The following PCDHGA1 variants were observed in gnomAD, a reference collection of about 807,000 sequenced individuals.
PCDHGA1 encodes protocadherin gamma-A1.
Under a neutral mutation model 58.0 loss-of-function variants are expected in PCDHGA1, and 32 were observed. The observed-to-expected ratio is 0.55, with a 90% CI of 0.42 to 0.74. The LOEUF is 0.74. Ranked by LOEUF, PCDHGA1 falls within the 30% of genes least tolerant of loss-of-function variation. The pLI is 0.00. For missense variants in PCDHGA1, 1,205 were observed against 1,182.3 expected, an observed-to-expected ratio of 1.02 and a Z score of -0.28; for synonymous variants, 498 against 501.1, an observed-to-expected ratio of 0.99 and a Z score of 0.08.
At position 141,370,127 on chromosome 5, in the gene PCDHGA1, G is replaced by A. The variant is rs1588666057; in HGVS notation, c.2421+37022G>A. ...TTTCTCCTAACTAGCTCCTTATTTGGAGCTGATTTAGTCACCATTACTGCA... is the reference window on the plus strand; with the variant it reads ...TTTCTCCTAACTAGCTCCTTATTTGAAGCTGATTTAGTCACCATTACTGCA... On this transcript the variant is annotated intron_variant, in intron 1 of 3. Transcript: ENST00000517417. 5 of 394,722 alleles carry A rather than the reference G, an allele frequency of 1.3e-5. No individual in the cohort carries two copies. The East Asian group carries it at 1.9e-4, about 15-fold the overall frequency. 24.5% of individuals were successfully genotyped at this position (394,722 alleles called of 1,614,324 possible). A position where few individuals can be genotyped will look rare whatever the true frequency, so the allele number is the denominator to read the frequency against.
chr5:141,461,037 G>T (rs1254497108), intron 1 of PCDHGA1, among the ~76,000 whole-genome samples: 1 of 150,988 alleles, frequency 6.6e-6, no homozygotes, highest in Non-Finnish European at 1.5e-5. Flanking sequence ...CCACTCATTA[G>T]TCGATGGGGA....
rs1299573831 is a variant in PCDHGA1 at position 141,500,662 on chromosome 5, T to A, written c.2481-4731T>A. 5.3e-5 allele frequency among the ~76,000 whole-genome samples: 8 copies of A among 152,352 alleles called. No homozygotes were observed. The East Asian group carries it at 1.5e-3, about 29-fold the overall frequency. ...TTTTTAAAAATAGCAACTGAGGCCA[T>A]ACTGTCCAACAGAATTATAGCTTTT... On this transcript the variant is annotated intron_variant, in intron 2 of 3. Coordinates refer to ENST00000517417, the MANE Select transcript of PCDHGA1 (RefSeq NM_018912.3).
intron 1 of PCDHGA1, chr5:141,352,204 G>C: frequency 6.2e-7 from 1 of 1,614,036 alleles, no homozygotes; most frequent in Non-Finnish European, 8.5e-7. Flanking sequence ...GAGGACAGCC[G>C]CCACTCTCCG....
At chr5:141,404,694 C>A in intron 1 of PCDHGA1, 5 of 1,614,116 alleles carry the variant, frequency 3.1e-6, no homozygotes, top group Non-Finnish European at 4.2e-6. Context: ...GCACCCCGCT[C>A]TGCAGAGCCT....
At chr5:141,356,327 C>A in intron 1 of PCDHGA1, 1 of 1,554,310 alleles carries the variant, frequency 6.4e-7, no homozygotes, top group Non-Finnish European at 8.7e-7. Context: ...GACAGTGACT[C>A]AGGAGGAAAT....
chr5:141,476,233 G>A lies in PCDHGA1; in HGVS notation c.2422-18574G>A, dbSNP rs1162067190. ...CGGTCATTCACTATGAGATCCCGGA[G>A]GAAAGAGAGAAGGGTTTCGCTGTGG... On this transcript the variant is annotated intron_variant, in intron 1 of 3. Coordinates refer to ENST00000517417, the MANE Select transcript of PCDHGA1 (RefSeq NM_018912.3). The surrounding 1 kb of genome is among the most constrained non-coding windows in gnomAD (Gnocchi z 7.6). The A allele has an allele frequency of 3.1e-6, 5 of 1,613,996 alleles. No homozygotes were observed. Among genetic ancestry groups the A allele is most frequent in the African/African-American group, 2.7e-5 (2 of 74,894 alleles).
intron 1 of PCDHGA1, chr5:141,418,683 CAG>C: frequency 6.2e-7 from 1 of 1,614,048 alleles, no homozygotes; most frequent in African/African-American, 1.3e-5. Flanking sequence ...GGCATCAACT[CAG>C]AGATCACTTA....
At chr5:141,387,510 C>A (rs972550298) in intron 1 of PCDHGA1, among the ~76,000 whole-genome samples, 1 of 152,206 alleles carries the variant, frequency 6.6e-6, no homozygotes, top group Non-Finnish European at 1.5e-5. Context: ...TTTTAGACGT[C>A]ATTAAATATA....
chr5:141,421,829 T>C, intron 1 of PCDHGA1: 1 of 1,613,784 alleles, frequency 6.2e-7, no homozygotes, highest in Non-Finnish European at 8.5e-7. Flanking sequence ...GAGGGAAGCC[T>C]GGACCGAGAG....
chr5:141,369,924 C>T (rs1175657292), intron 1 of PCDHGA1, among the ~76,000 whole-genome samples: 1 of 152,092 alleles, frequency 6.6e-6, no homozygotes, highest in East Asian at 1.9e-4. Context: ...AAACTAAAAA[C>T]GTGACGGGAT....
intron 3 of PCDHGA1, among the ~76,000 whole-genome samples, chr5:141,509,450 C>A (rs2099876883): frequency 6.6e-6 from 1 of 152,128 alleles, no homozygotes; most frequent in Non-Finnish European, 1.5e-5. Context: ...CCTCTCCCAC[C>A]CCCGACCCAG....
At chr5:141,393,114 C>A (rs750579370) in intron 1 of PCDHGA1, 3 of 1,613,300 alleles carry the variant, frequency 1.9e-6, no homozygotes, top group South Asian at 2.2e-5. Context: ...TCAGAGCCCG[C>A]GGTGTCTGAT....
rs112731052 is a variant in PCDHGA1 at position 141,457,109 on chromosome 5, A to G, written c.2422-37698A>G. ...TATAAGGATACTAATTAAGCAAAAT[A>G]CGACAGCAATGGAAACTCTGTCCAA... is the stretch of plus-strand genomic sequence containing the variant. On this transcript the variant is annotated intron_variant, in intron 1 of 3. Coordinates refer to ENST00000517417, the MANE Select transcript of PCDHGA1 (RefSeq NM_018912.3). 8.3e-3 allele frequency among the ~76,000 whole-genome samples: 1,258 copies of G among 152,360 alleles called. 17 individuals are homozygous for G. Among genetic ancestry groups the G allele is most frequent in the African/African-American group, 0.029 (1,195 of 41,578 alleles).
In PCDHGA1 at chr5:141,330,598, C is replaced by T; in HGVS notation, c.-87C>T. The T allele has an allele frequency of 7.2e-7, 1 of 1,398,348 alleles. No homozygotes were observed. The highest frequency in any genetic ancestry group is 2.3e-5 in the Admixed American group (1 of 44,010). 86.6% of individuals were successfully genotyped at this position (1,398,348 alleles called of 1,614,324 possible). ...TGGATGACTCTCCAGTCAGAATTCT[C>T]CTGAAAATTGGGTTAATTTCAGCTC... On this transcript the variant is annotated 5_prime_UTR_variant, in exon 1 of 4. Coordinates refer to ENST00000517417, the MANE Select transcript of PCDHGA1 (RefSeq NM_018912.3).
In PCDHGA1 at chr5:141,511,033, C is replaced by T. The variant is rs1185153127; in HGVS notation, c.2656C>T (p.His886Tyr). 6.2e-7 allele frequency: 1 copy of T among 1,614,202 alleles called. No individual in the cohort carries two copies. The highest frequency in any genetic ancestry group is 1.7e-5 in the Admixed American group (1 of 60,032). ...CTACGGACCCCAGTTCACCCTGCAG[C>T]ACGTGCCCGACTACCGCCAGAATGT... ...ARYGPQFTLQ[H>Y]VPDYRQNVYI... Residue 886 changes from histidine to tyrosine, a missense_variant, in exon 4 of 4, where the codon CAC becomes TAC. His to Tyr is a moderately conservative substitution (Grantham distance 83). Coordinates refer to ENST00000517417, the MANE Select transcript of PCDHGA1 (RefSeq NM_018912.3).
chr5:141,441,905 C>G, intron 1 of PCDHGA1: 1 of 348,464 alleles, frequency 2.9e-6, no homozygotes, highest in Non-Finnish European at 5.5e-6. Flanking sequence ...GCTGTAGACG[C>G]AGATGTGAGA....
intron 1 of PCDHGA1, chr5:141,403,277 C>G (rs2094385466): frequency 6.2e-7 from 1 of 1,613,750 alleles, no homozygotes; most frequent in Admixed American, 1.7e-5. Context: ...CTTTAAAGTC[C>G]TGGTTGAAGA....
At chr5:141,399,851 C>T (rs971471583) in intron 1 of PCDHGA1, 3 of 1,612,950 alleles carry the variant, frequency 1.9e-6, no homozygotes, top group Non-Finnish European at 2.5e-6. Flanking sequence ...GATATGGTGC[C>T]GCGCGCTGCA....
chr5:141,403,666 T>C (rs2094439937), intron 1 of PCDHGA1: 1 of 1,613,926 alleles, frequency 6.2e-7, no homozygotes, highest in Non-Finnish European at 8.5e-7. Context: ...CAAATGATAA[T>C]GCCCCGGTTT....
Sources: gnomAD v4.1 joint callset for allele counts (sites outside exome capture counted in the v4.1 genomes callset) on GRCh38, gnomAD v4.1.1 for gene constraint, Gnocchi (gnomAD v3.1) non-coding constraint, MANE v1.5 for transcripts, NCBI Gene and HGNC (gene_info 2026-07-23, HGNC 2026-07-21) for gene names.